The following COL4A1 variants were observed in gnomAD, a reference collection of about 807,000 sequenced individuals.
COL4A1 encodes collagen alpha-1(IV) chain.
A neutral mutation model predicts 216.6 loss-of-function variants in COL4A1; 40 were observed. The observed-to-expected ratio is 0.18, with a 90% CI of 0.14 to 0.24. The LOEUF is 0.24. Ranked by LOEUF, COL4A1 falls within the 10% of genes least tolerant of loss-of-function variation. The probability of loss-of-function intolerance (pLI) is 1.00; values close to 1 mark genes in which losing one functional copy is unlikely to be tolerated. For synonymous variants in COL4A1, 839 were observed against 810.7 expected (o/e 1.03, Z -0.59); for missense variants, 1,628 against 2,196.8 (o/e 0.74, Z 5.18).
At chr13:110,252,539 T>TATATAC (rs1255599882) in intron 1 of COL4A1, among the ~76,000 whole-genome samples, 98 of 9,658 alleles carry the variant, frequency 0.01, 24 homozygotes, top group South Asian at 0.087. Flanking sequence ...TACGTATATA[T>TATATAC]GTATTATATA....
Position 110,211,618 on chromosome 13 carries a change from C to T in COL4A1, c.468+29G>A. The T allele has an allele frequency of 1.9e-6, 3 of 1,606,112 alleles. No individual in the cohort carries two copies. The highest frequency in any genetic ancestry group is 1.7e-6 in the Non-Finnish European group (2 of 1,176,680). On this transcript the variant is annotated intron_variant, in intron 8 of 51. Transcript: ENST00000375820. The surrounding 1 kb of genome is among the most constrained non-coding windows in gnomAD (Gnocchi z 4.3). Reference sequence around the variant, plus strand: ...TGTAAACAGATTCCCTGTAATGAATCCAATAAAGCAAAATAAAATAAAATG... The same window carrying T: ...TGTAAACAGATTCCCTGTAATGAATTCAATAAAGCAAAATAAAATAAAATG...
At chr13:110,185,397 G>A (rs1482566245) in intron 26 of COL4A1, among the ~76,000 whole-genome samples, 1 of 152,180 alleles carries the variant, frequency 6.6e-6, no homozygotes, top group Non-Finnish European at 1.5e-5. Context: ...GCCAGCCTCT[G>A]CCTCCCAAAG....
intron 1 of COL4A1, among the ~76,000 whole-genome samples, chr13:110,271,958 G>A (rs1446451232): frequency 6.6e-6 from 1 of 152,096 alleles, no homozygotes; most frequent in Non-Finnish European, 1.5e-5. Context: ...ATAGCTCATC[G>A]TATTTGTGGT....
Position 110,150,222 on chromosome 13 carries a change from G to C in COL4A1, c.*141C>G. On this transcript the variant is annotated 3_prime_UTR_variant, in exon 52 of 52. Transcript: ENST00000375820. ...GAGGTCAATGAAGCAGGGTGTGTTA[G>C]TTACGCAAATTCCTATAAGGCACTT... The C allele has an allele frequency of 1.3e-6, 1 of 788,620 alleles. No individual in the cohort carries two copies. The highest frequency in any genetic ancestry group is 2.0e-5 in the Admixed American group (1 of 49,862). 48.9% of individuals were successfully genotyped at this position (788,620 alleles called of 1,614,324 possible).
chr13:110,301,713 G>C (rs1468943121), intron 1 of COL4A1, among the ~76,000 whole-genome samples: 1 of 152,224 alleles, frequency 6.6e-6, no homozygotes, highest in Non-Finnish European at 1.5e-5. Flanking sequence ...GGGAAGACGA[G>C]AGGACACTGC....
chr13:110,175,393 T>C, intron 36 of COL4A1, 36 bp from the exon 37 acceptor site: 2 of 1,613,442 alleles, frequency 1.2e-6, no homozygotes, highest in Non-Finnish European at 1.7e-6. Flanking sequence ...GATTTGGGCT[T>C]AGCTAGTGCT....
intron 49 of COL4A1, 39 bp downstream of exon 49, chr13:110,161,153 C>T (rs377543004): frequency 2.2e-5 from 36 of 1,604,644 alleles, no homozygotes; most frequent in Non-Finnish European, 3.1e-5. Context: ...GACTTTTCCT[C>T]TTCAATTTTG....
chr13:110,151,280 T>C (rs896117597), intron 51 of COL4A1, among the ~76,000 whole-genome samples: 59 of 152,236 alleles, frequency 3.9e-4, no homozygotes, highest in African/African-American at 1.2e-3. Context: ...GGAAAACATT[T>C]TAGTTTATTG....
intron 1 of COL4A1, among the ~76,000 whole-genome samples, chr13:110,304,625 G>A (rs1001315657): frequency 1.3e-5 from 2 of 152,250 alleles, no homozygotes; most frequent in African/African-American, 4.8e-5. Context: ...GTGGAGGAAG[G>A]GAGGAGCGGG....
rs897767116 is a variant in COL4A1, at chr13:110,207,137, T to G, written c.781-246A>C. 7.3e-5 allele frequency among the ~76,000 whole-genome samples: 11 copies of G among 150,834 alleles called. No individual in the cohort carries two copies. The highest frequency in any genetic ancestry group is 1.3e-4 in the Non-Finnish European group (9 of 67,716). On this transcript the variant is annotated intron_variant, in intron 13 of 51. Transcript: ENST00000375820. This position sits in a 1 kb window ranked among gnomAD's most constrained non-coding sequence, Gnocchi z 4.4. Reference sequence around the variant, plus strand: ...GCCCCCCAGCCCAGCTCCCTCCTCCTGACCAAGCCATCTCCAACTTGGGGC... The same window carrying G: ...GCCCCCCAGCCCAGCTCCCTCCTCCGGACCAAGCCATCTCCAACTTGGGGC...
At chr13:110,226,974 C>T (rs1336454686) in intron 2 of COL4A1, among the ~76,000 whole-genome samples, 2 of 152,216 alleles carry the variant, frequency 1.3e-5, no homozygotes, top group African/African-American at 4.8e-5. Flanking sequence ...AATCTCTCTT[C>T]ACCTCAATGC....
At chr13:110,204,469 T>C (rs189340486) in intron 17 of COL4A1, among the ~76,000 whole-genome samples, 4 of 152,302 alleles carry the variant, frequency 2.6e-5, no homozygotes, top group Admixed American at 2.6e-4. Flanking sequence ...TTTAATAAAT[T>C]AACCGTAGGC....
chr13:110,209,526 T>G, intron 10 of COL4A1, 99 bp from the exon 11 acceptor site: 6 of 904,990 alleles, frequency 6.6e-6, no homozygotes, highest in Non-Finnish European at 8.8e-6. Context: ...CTGGTCAACA[T>G]GATAATTTAT....
intron 1 of COL4A1, among the ~76,000 whole-genome samples, chr13:110,255,461 C>T (rs1293759207): frequency 1.4e-5 from 2 of 144,582 alleles, no homozygotes; most frequent in Non-Finnish European, 3.0e-5. Context: ...GCTCAAGGAC[C>T]AATTCAGTGT....
intron 1 of COL4A1, among the ~76,000 whole-genome samples, chr13:110,290,208 G>T (rs938701288): frequency 1.3e-5 from 2 of 152,138 alleles, no homozygotes; most frequent in East Asian, 1.9e-4. Flanking sequence ...CATTTTCCTG[G>T]TTAGACAACA....
intron 17 of COL4A1, among the ~76,000 whole-genome samples, chr13:110,204,905 C>T (rs997127203): frequency 3.3e-5 from 5 of 152,172 alleles, no homozygotes; most frequent in Non-Finnish European, 7.3e-5. Context: ...ATTACACTGA[C>T]GGCCATTGAA....
At chr13:110,186,836 C>T (rs572362434) in intron 25 of COL4A1, among the ~76,000 whole-genome samples, 4 of 152,256 alleles carry the variant, frequency 2.6e-5, no homozygotes, top group African/African-American at 4.8e-5. Context: ...GACATGAATA[C>T]TATTAACTTT....
chr13:110,179,416 C>T lies in COL4A1; in HGVS notation c.2199G>A (p.Glu733=), dbSNP rs371514041. 9 of 1,614,026 alleles carry T rather than the reference C, an allele frequency of 5.6e-6. No individual in the cohort carries two copies. The highest frequency in any genetic ancestry group is 6.8e-6 in the Non-Finnish European group (8 of 1,180,058). Residue 733 remains glutamate, a synonymous_variant, in exon 30 of 52, where the codon GAG becomes GAA. Transcript: ENST00000375820. ...TGAGTCCCGGTAGACCAACTCCAGG[C>T]TCTCCCTGAAAATCCCCAAAGCACA... The part of the protein sequence containing the change: ...GNPGVQGQKG[E]PGVGLPGLKG...
intron 2 of COL4A1, 109 bp downstream of exon 2, chr13:110,242,566 A>G: frequency 7.9e-7 from 1 of 1,260,552 alleles, no homozygotes; most frequent in Non-Finnish European, 1.2e-6. Flanking sequence ...AAATTATCAA[A>G]ACAGTAATAA....
Sources: allele counts gnomAD v4.1 joint callset (sites outside exome capture counted in the v4.1 genomes callset), GRCh38; gene constraint gnomAD v4.1.1; non-coding constraint Gnocchi (gnomAD v3.1); transcripts MANE v1.5; gene names NCBI Gene and HGNC (gene_info 2026-07-23, HGNC 2026-07-21).